MTSS1: variants seen among roughly 807,000 people sequenced by gnomAD.
The protein encoded by MTSS1 is protein MTSS 1.
A neutral mutation model predicts 79.0 loss-of-function variants in MTSS1; 18 were observed. The observed-to-expected ratio is 0.23, with a 90% CI of 0.16 to 0.34. The LOEUF (loss-of-function observed/expected upper bound fraction) is 0.34. Ranked by LOEUF, MTSS1 falls within the 10% of genes least tolerant of loss-of-function variation. MTSS1 has a pLI of 1.00. For synonymous variants in MTSS1, 341 were observed against 368.6 expected (o/e 0.93, Z 0.86); for missense variants, 815 against 986.2 (o/e 0.83, Z 2.33).
intron 3 of MTSS1, among the ~76,000 whole-genome samples, chr8:124,688,544 A>G (rs1827405606): frequency 6.6e-6 from 1 of 152,224 alleles, no homozygotes; most frequent in Admixed American, 6.5e-5. Flanking sequence ...CCCCCCTTCC[A>G]AAGAGCTAAA....
intron 3 of MTSS1, among the ~76,000 whole-genome samples, chr8:124,626,290 C>A (rs1010029462): frequency 1.6e-4 from 25 of 152,204 alleles, no homozygotes; most frequent in African/African-American, 5.3e-4. Context: ...ACACAAAGCA[C>A]TGGCCTGGGC....
intron 3 of MTSS1, among the ~76,000 whole-genome samples, chr8:124,675,857 T>C (rs1341394518): frequency 6.6e-6 from 1 of 152,250 alleles, no homozygotes; most frequent in East Asian, 1.9e-4. Context: ...TTCCATTATG[T>C]ACATACCGCA....
chr8:124,600,734 G>C (rs1228927797), intron 3 of MTSS1, among the ~76,000 whole-genome samples: 2 of 152,218 alleles, frequency 1.3e-5, no homozygotes, highest in South Asian at 4.1e-4. Context: ...TGGCAAATCA[G>C]TACTTAGAGG....
intron 1 of MTSS1, among the ~76,000 whole-genome samples, chr8:124,717,670 T>TG (rs1342612458): frequency 6.6e-6 from 1 of 152,200 alleles, no homozygotes; most frequent in East Asian, 1.9e-4. Flanking sequence ...TACTCCGGTC[T>TG]GGGGGACAGA....
At position 124,699,516 on chromosome 8, in the gene MTSS1, A is replaced by G. The variant is rs1197452036; in HGVS notation, c.208+10T>C. On this transcript the variant is annotated intron_variant, in intron 3 of 13. Transcript: ENST00000518547. ...CAGTTAACACTGGGAGTCAGCCTCC[A>G]TCTGCTTACCACGTGTGTTGGTGGC... 1 of 1,613,984 alleles carries G rather than the reference A, an allele frequency of 6.2e-7. No individual in the cohort carries two copies.
chr8:124,710,097 C>A (rs569907126), intron 1 of MTSS1, among the ~76,000 whole-genome samples: 6 of 152,226 alleles, frequency 3.9e-5, no homozygotes, highest in Non-Finnish European at 7.3e-5. Context: ...CTGACCAGCT[C>A]TCTCCAAGGG....
chr8:124,616,812 G>A (rs190200639), intron 3 of MTSS1, among the ~76,000 whole-genome samples: 13 of 152,354 alleles, frequency 8.5e-5, no homozygotes, highest in Admixed American at 7.8e-4. Flanking sequence ...TTATGAGACT[G>A]ACGTGCTACC....
At chr8:124,605,059 T>C (rs1204771390) in intron 3 of MTSS1, among the ~76,000 whole-genome samples, 1 of 152,122 alleles carries the variant, frequency 6.6e-6, no homozygotes, top group Non-Finnish European at 1.5e-5. Context: ...AGCAAACACA[T>C]TCCGACAGGG....
chr8:124,695,957 G>A (rs1287973331), intron 3 of MTSS1, among the ~76,000 whole-genome samples: 1 of 151,808 alleles, frequency 6.6e-6, no homozygotes, highest in Admixed American at 6.6e-5. Flanking sequence ...GGGCGGGGAA[G>A]TGGGGAGGAT....
rs897092807 is a variant in MTSS1, at chr8:124,683,628, C to T, written c.208+15898G>A. Among the ~76,000 whole-genome samples, 4 of 152,182 alleles carry T rather than the reference C, an allele frequency of 2.6e-5. No homozygotes were observed. Among genetic ancestry groups the T allele is most frequent in the Admixed American group, 2.6e-4 (4 of 15,278 alleles). ...ACACAACCTTTCCAACACGAAGGAGCCCACTGCCATATCTGAATCTGGCTG... is the reference window on the plus strand; with the variant it reads ...ACACAACCTTTCCAACACGAAGGAGTCCACTGCCATATCTGAATCTGGCTG... On this transcript the variant is annotated intron_variant, in intron 3 of 13. Coordinates refer to ENST00000518547, the MANE Select transcript of MTSS1 (RefSeq NM_014751.6). The surrounding 1 kb of genome is among the most constrained non-coding windows in gnomAD (Gnocchi z 4.5).
intron 3 of MTSS1, among the ~76,000 whole-genome samples, chr8:124,596,897 T>C (rs1832861579): frequency 6.6e-6 from 1 of 152,122 alleles, no homozygotes; most frequent in African/African-American, 2.4e-5. Flanking sequence ...GTGTCTAAAT[T>C]TCCCTCTTCC....
intron 3 of MTSS1, among the ~76,000 whole-genome samples, chr8:124,684,785 G>A (rs1826690187): frequency 6.6e-6 from 1 of 151,978 alleles, no homozygotes; most frequent in Non-Finnish European, 1.5e-5. Context: ...AAAACCCCTT[G>A]AAAAAACACT....
chr8:124,567,811 A>T, intron 7 of MTSS1: 8 of 1,525,738 alleles, frequency 5.2e-6, no homozygotes, highest in Non-Finnish European at 6.1e-6. Context: ...TGCTAGGGCT[A>T]AGGGAAATGA....
intron 3 of MTSS1, among the ~76,000 whole-genome samples, chr8:124,599,569 G>A (rs181160985): frequency 6.6e-6 from 1 of 152,050 alleles, no homozygotes. Context: ...TTGGTTCCTG[G>A]GCACATAACT....
intron 1 of MTSS1, among the ~76,000 whole-genome samples, chr8:124,723,190 T>C (rs1242207072): frequency 6.6e-6 from 1 of 152,180 alleles, no homozygotes; most frequent in Non-Finnish European, 1.5e-5. Flanking sequence ...AATTTTTTAG[T>C]ATATCTGAAA....
intron 3 of MTSS1, among the ~76,000 whole-genome samples, chr8:124,607,326 T>C (rs1241982152): frequency 6.6e-6 from 1 of 152,230 alleles, no homozygotes; most frequent in African/African-American, 2.4e-5. Context: ...TGCAGTTGAT[T>C]TCCCGGCCAA....
chr8:124,577,614 C>T, intron 6 of MTSS1: 1 of 518,978 alleles, frequency 1.9e-6, no homozygotes. Flanking sequence ...CACAATAGGT[C>T]TAAGGGTAAA....
chr8:124,648,301 T>C (rs986157163), intron 3 of MTSS1, among the ~76,000 whole-genome samples: 2 of 152,280 alleles, frequency 1.3e-5, no homozygotes, highest in Non-Finnish European at 2.9e-5. Flanking sequence ...TTTTTAAGTA[T>C]TTCAACACAC....
At chr8:124,696,551 G>A (rs1320345523) in intron 3 of MTSS1, among the ~76,000 whole-genome samples, 1 of 151,968 alleles carries the variant, frequency 6.6e-6, no homozygotes, top group Non-Finnish European at 1.5e-5. Flanking sequence ...AAATCCCATG[G>A]TCTAAAAATA....
Sources: gnomAD v4.1 joint callset for allele counts (sites outside exome capture counted in the v4.1 genomes callset) on GRCh38, gnomAD v4.1.1 for gene constraint, Gnocchi (gnomAD v3.1) non-coding constraint, MANE v1.5 for transcripts, NCBI Gene and HGNC (gene_info 2026-07-23, HGNC 2026-07-21) for gene names.